Variants in PAQR8 observed in about 807,000 individuals in gnomAD.
The protein encoded by PAQR8 is progestin and adipoQ receptor family member 8, also known as membrane progestin receptor beta.
A neutral mutation model predicts 25.2 loss-of-function variants in PAQR8; 17 were observed. The observed-to-expected ratio is 0.67, with a 90% CI of 0.46 to 1.01. The LOEUF (loss-of-function observed/expected upper bound fraction) is 1.01, where lower values mean the gene tolerates loss of function less well. Ranked by LOEUF, PAQR8 falls within the 50% of genes least tolerant of loss-of-function variation. The probability of loss-of-function intolerance (pLI) is 0.00; values close to 1 mark genes in which losing one functional copy is unlikely to be tolerated. For synonymous variants in PAQR8, 204 were observed against 190.6 expected, an observed-to-expected ratio of 1.07 and a Z score of -0.58; for missense variants, 392 against 448.4, an observed-to-expected ratio of 0.87 and a Z score of 1.14.
chr6:52,377,068 C>T (rs1277787633), intron 1 of PAQR8, among the ~76,000 whole-genome samples: 3 of 152,130 alleles, frequency 2.0e-5, no homozygotes, highest in African/African-American at 4.8e-5. Flanking sequence ...TTTCTAAAGG[C>T]ACCTTAGGGA....
intron 1 of PAQR8, among the ~76,000 whole-genome samples, chr6:52,399,704 A>G (rs1265602593): frequency 6.6e-6 from 1 of 151,916 alleles, no homozygotes; most frequent in Admixed American, 6.6e-5. Flanking sequence ...ACTCACCTTG[A>G]TTTCTCCCAG....
intron 1 of PAQR8, among the ~76,000 whole-genome samples, chr6:52,399,751 C>T (rs1406718208): frequency 6.6e-6 from 1 of 152,278 alleles, no homozygotes; most frequent in South Asian, 2.1e-4. Flanking sequence ...CTGGTTTGCT[C>T]TCTACTTCAC....
rs555417785 is a variant in PAQR8, at chr6:52,407,266, G to T, written c.*2988G>T. 22 of 166,776 alleles carry T rather than the reference G, an allele frequency of 1.3e-4. No homozygotes were observed. The highest frequency in any genetic ancestry group is 5.1e-4 in the African/African-American group (21 of 41,424). 10.3% of individuals were successfully genotyped at this position (166,776 alleles called of 1,614,324 possible). ...TGAATGAAATGCAGTGTAGGGAGAG[G>T]AGATGGCAGGACACAGCAAACAGGA... On this transcript the variant is annotated 3_prime_UTR_variant, in exon 2 of 2. Coordinates refer to ENST00000442253, the MANE Select transcript of PAQR8 (RefSeq NM_133367.5).
At chr6:52,383,454 G>T (rs1029471407) in intron 1 of PAQR8, among the ~76,000 whole-genome samples, 1 of 152,054 alleles carries the variant, frequency 6.6e-6, no homozygotes, top group Non-Finnish European at 1.5e-5. Context: ...GAGGTCAGGA[G>T]ATCGAGACCA....
chr6:52,403,105 T>C, intron 1 of PAQR8, 57 bp from the exon 2 acceptor site: 5 of 888,428 alleles, frequency 5.6e-6, no homozygotes, highest in Non-Finnish European at 1.7e-6. Flanking sequence ...TCCTTGTCCG[T>C]CTTAGCTGCA....
rs576201058 is a variant in PAQR8 at position 52,384,438 on chromosome 6, C to T, written c.-52-18724C>T. Among the ~76,000 whole-genome samples, 4 of 151,986 alleles carry T rather than the reference C, an allele frequency of 2.6e-5. No homozygotes were observed. In the South Asian group the frequency reaches 8.3e-4, roughly 32 times the overall value. On this transcript the variant is annotated intron_variant, in intron 1 of 1. Transcript: ENST00000442253. ...TGCTGGTTAGGGCAGAGTGAAATGG[C>T]TAGCACTGGGTTGGGTTTGTATTGG... is the stretch of plus-strand genomic sequence containing the variant.
intron 1 of PAQR8, among the ~76,000 whole-genome samples, chr6:52,402,617 C>CAAAAAAAAA (rs5876274): frequency 2.6e-5 from 3 of 115,890 alleles, no homozygotes; most frequent in African/African-American, 6.8e-5. Context: ...AACTCTGTCT[C>CAAAAAAAAA]AAAAAAAAAA....
At chr6:52,371,686 G>A (rs190023679) in intron 1 of PAQR8, among the ~76,000 whole-genome samples, 1 of 152,312 alleles carries the variant, frequency 6.6e-6, no homozygotes, top group East Asian at 1.9e-4. Flanking sequence ...CCATGCATAT[G>A]TAAAAGCATA....
At position 52,362,826 on chromosome 6, in the gene PAQR8, A is replaced by T. The variant is rs1043402317; in HGVS notation, c.-53+577A>T. On this transcript the variant is annotated intron_variant, in intron 1 of 1. Transcript: ENST00000442253. The surrounding 1 kb of genome is among the most constrained non-coding windows in gnomAD (Gnocchi z 4.1). Reference sequence around the variant, plus strand: ...CCCGAGGTAGGGGAACCCCGGAAAGAGTAGGGTGGGTCTAGGCATGTGCTT... The same window carrying T: ...CCCGAGGTAGGGGAACCCCGGAAAGTGTAGGGTGGGTCTAGGCATGTGCTT... 6.6e-6 allele frequency among the ~76,000 whole-genome samples: 1 copy of T among 152,040 alleles called. No homozygotes were observed. Among genetic ancestry groups the T allele is most frequent in the African/African-American group, 2.4e-5 (1 of 41,398 alleles).
rs115826229 is a variant in PAQR8, at chr6:52,384,211, T to A, written c.-52-18951T>A. ...AGGAGAAATTTGGTTTTAAACACTA[T>A]GTTTAAGGTGCTGATGGGGACATCT... On this transcript the variant is annotated intron_variant, in intron 1 of 1. Transcript: ENST00000442253. 3.4e-3 allele frequency among the ~76,000 whole-genome samples: 519 copies of A among 152,270 alleles called. 2 individuals carry two copies. Among genetic ancestry groups the A allele is most frequent in the Non-Finnish European group, 6.1e-3 (414 of 68,016 alleles).
chr6:52,406,384 C>T lies in PAQR8; in HGVS notation c.*2106C>T, dbSNP rs548159498. ...GGCAGAGATCTTTAGTTCAAATCCA[C>T]GTATTTTTTAAAAGAGAGAACCGGA... On this transcript the variant is annotated 3_prime_UTR_variant, in exon 2 of 2. Coordinates refer to ENST00000442253, the MANE Select transcript of PAQR8 (RefSeq NM_133367.5). The T allele has an allele frequency of 9.7e-6, 4 of 412,164 alleles. No homozygotes were observed. The highest frequency in any genetic ancestry group is 1.3e-4 in the South Asian group (1 of 7,684). The allele number at this position is 412,164 out of a possible 1,614,324, so 25.5% of individuals were successfully genotyped here.
intron 1 of PAQR8, among the ~76,000 whole-genome samples, chr6:52,378,159 A>T (rs1763506903): frequency 6.6e-6 from 1 of 152,246 alleles, no homozygotes; most frequent in South Asian, 2.1e-4. Flanking sequence ...TATTTAAGTC[A>T]CATGCAATGA....
chr6:52,393,784 T>C (rs1342379402), intron 1 of PAQR8, among the ~76,000 whole-genome samples: 1 of 152,202 alleles, frequency 6.6e-6, no homozygotes, highest in East Asian at 1.9e-4. Context: ...GCAAACCATG[T>C]AGGCATACAG....
intron 1 of PAQR8, among the ~76,000 whole-genome samples, chr6:52,381,475 G>A (rs184951457): frequency 6.6e-6 from 1 of 152,358 alleles, no homozygotes; most frequent in Admixed American, 6.5e-5. Flanking sequence ...AGGTGTGGTG[G>A]TAAGTGCCTG....
rs1763863176 is a variant in PAQR8, at chr6:52,403,405, C to G, written c.192C>G (p.Tyr64Ter). The change falls in exon 2 of 2, where the codon TAC becomes TAG. Residue 64 changes from tyrosine (Y) to a stop codon, truncating the protein, a stop_gained. Coordinates refer to ENST00000442253, the MANE Select transcript of PAQR8 (RefSeq NM_133367.5). LOFTEE classifies it high-confidence loss of function. ...GYRPTGHEWR[Y>*]YFFSLFQKHN... The stretch of plus-strand genomic sequence containing the variant: ...GCCCCACGGGGCACGAGTGGCGCTA[C>G]TACTTCTTCAGCCTCTTTCAGAAAC... 7.4e-6 allele frequency: 12 copies of G among 1,614,136 alleles called. No individual in the cohort carries two copies. The East Asian group carries it at 2.7e-4, about 36-fold the overall frequency.
Position 52,362,286 on chromosome 6 carries a change from T to C in PAQR8, c.-53+37T>C, listed in dbSNP as rs1763298727. 1 of 151,526 alleles carries C rather than the reference T, an allele frequency of 6.6e-6. No homozygotes were observed. Among genetic ancestry groups the C allele is most frequent in the Non-Finnish European group, 1.5e-5 (1 of 67,910 alleles). 9.4% of individuals were successfully genotyped at this position (151,526 alleles called of 1,614,324 possible). ...CGCGGGAGGCGCGGAACGGGTCGAG[T>C]TGGGTATTGGGACCGCGAGGTCGGG... On this transcript the variant is annotated intron_variant, in intron 1 of 1. Transcript: ENST00000442253. This position sits in a 1 kb window ranked among gnomAD's most constrained non-coding sequence, Gnocchi z 4.1.
intron 1 of PAQR8, among the ~76,000 whole-genome samples, chr6:52,388,979 TAAA>T (rs1763665428): frequency 6.6e-6 from 1 of 152,210 alleles, no homozygotes; most frequent in Non-Finnish European, 1.5e-5. Context: ...GCAACAAGAA[TAAA>T]AACGAGTTCT....
At chr6:52,364,568 A>C (rs1763331726) in intron 1 of PAQR8, among the ~76,000 whole-genome samples, 1 of 152,148 alleles carries the variant, frequency 6.6e-6, no homozygotes, top group South Asian at 2.1e-4. Flanking sequence ...GTCACTACTG[A>C]GAATAATTTT....
Position 52,362,775 on chromosome 6 carries a change from G to A in PAQR8, c.-53+526G>A, listed in dbSNP as rs1239754496. ...GTGCGGAGGAGAGGAAGCCCGGGGCGGTAGGGAGAGCCCGAGGAAGGGCAG... is the reference window on the plus strand; with the variant it reads ...GTGCGGAGGAGAGGAAGCCCGGGGCAGTAGGGAGAGCCCGAGGAAGGGCAG... On this transcript the variant is annotated intron_variant, in intron 1 of 1. Transcript: ENST00000442253. This position sits in a 1 kb window ranked among gnomAD's most constrained non-coding sequence, Gnocchi z 4.1. Among the ~76,000 whole-genome samples the A allele has an allele frequency of 6.6e-6, 1 of 152,190 alleles. No homozygotes were observed. The highest frequency in any genetic ancestry group is 2.4e-5 in the African/African-American group (1 of 41,454).
Sources: allele counts gnomAD v4.1 joint callset (sites outside exome capture counted in the v4.1 genomes callset), GRCh38; gene constraint gnomAD v4.1.1; non-coding constraint Gnocchi (gnomAD v3.1); transcripts MANE v1.5; gene names NCBI Gene and HGNC (gene_info 2026-07-23, HGNC 2026-07-21).